EXOC4: variants seen among roughly 807,000 people sequenced by gnomAD.
The protein encoded by EXOC4 is exocyst complex component 4, also known as SEC8-like 1.
In EXOC4, 71 loss-of-function variants were observed where a neutral mutation model predicts 107.2. That is an observed-to-expected ratio of 0.66 (90% CI 0.55 to 0.81). The LOEUF is 0.81. Among genes scored for constraint, EXOC4 ranks in the 30% least tolerant of loss-of-function variants. The pLI, the probability that EXOC4 is intolerant of heterozygous loss-of-function variation, is 0.00. For synonymous variants in EXOC4, 456 were observed against 441.2 expected (o/e 1.03, Z -0.42); for missense variants, 1,108 against 1,189.6 (o/e 0.93, Z 1.01).
At chr7:133,311,367 G>A (rs761643740) in intron 4 of EXOC4, among the ~76,000 whole-genome samples, 5 of 152,078 alleles carry the variant, frequency 3.3e-5, no homozygotes, top group African/African-American at 4.8e-5. Context: ...AATCAGATGG[G>A]TGAGACAAAA....
chr7:133,930,988 T>C lies in EXOC4; in HGVS notation c.2028-6903T>C, dbSNP rs201295399. 5.3e-5 allele frequency among the ~76,000 whole-genome samples: 8 copies of C among 152,302 alleles called. No homozygotes were observed. The East Asian group carries it at 1.5e-3, about 29-fold the overall frequency. On this transcript the variant is annotated intron_variant, in intron 13 of 17. Coordinates refer to ENST00000253861, the MANE Select transcript of EXOC4 (RefSeq NM_021807.4). Reference sequence around the variant, plus strand: ...TCTAGTTTACATTTATGGCATTTTTTTTTTCAAGCATTCGTCATTTATTTG... The same window carrying C: ...TCTAGTTTACATTTATGGCATTTTTCTTTTCAAGCATTCGTCATTTATTTG...
intron 11 of EXOC4, among the ~76,000 whole-genome samples, chr7:133,866,182 A>G (rs1462632141): frequency 6.6e-6 from 1 of 152,194 alleles, no homozygotes; most frequent in East Asian, 1.9e-4. Flanking sequence ...CAACAATACT[A>G]TACTACAAAT....
chr7:133,553,621 C>T (rs1019075291), intron 9 of EXOC4, among the ~76,000 whole-genome samples: 5 of 152,156 alleles, frequency 3.3e-5, no homozygotes, highest in Non-Finnish European at 1.5e-5. Flanking sequence ...TCTCTCAAGA[C>T]TCATCTCAGA....
intron 7 of EXOC4, among the ~76,000 whole-genome samples, chr7:133,455,556 T>A (rs952087973): frequency 6.6e-6 from 1 of 152,232 alleles, no homozygotes; most frequent in African/African-American, 2.4e-5. Flanking sequence ...TTTCTAGATT[T>A]GTTACTTGTA....
chr7:133,660,122 C>A (rs1180970735), intron 10 of EXOC4, among the ~76,000 whole-genome samples: 1 of 152,088 alleles, frequency 6.6e-6, no homozygotes, highest in Non-Finnish European at 1.5e-5. Context: ...GAATTCACAA[C>A]CTGAATATTA....
intron 11 of EXOC4, among the ~76,000 whole-genome samples, chr7:133,860,486 G>A (rs547749427): frequency 6.6e-6 from 1 of 152,360 alleles, no homozygotes; most frequent in Non-Finnish European, 1.5e-5. Context: ...AGAGATGGCA[G>A]TGTGTGAAAG....
At chr7:133,319,112 TTATATTAA>T (rs1381334344) in intron 5 of EXOC4, among the ~76,000 whole-genome samples, 4 of 152,252 alleles carry the variant, frequency 2.6e-5, no homozygotes, top group Admixed American at 6.5e-5. Flanking sequence ...CTTAGCCTGG[TTATATTAA>T]TTTATGTAAA....
rs553368410 is a variant in EXOC4 at position 133,455,864 on chromosome 7, G to A, written c.1183-19464G>A. Among the ~76,000 whole-genome samples the A allele has an allele frequency of 2.6e-5, 4 of 152,324 alleles. No homozygotes were observed. In the South Asian group the frequency reaches 8.3e-4, roughly 32 times the overall value. On this transcript the variant is annotated intron_variant, in intron 7 of 17. Transcript: ENST00000253861. ...AACAGAACTTCTTGCAACATAAGCAGTGCAACTCTTGCCATGTCTATTGTA... is the reference window on the plus strand; with the variant it reads ...AACAGAACTTCTTGCAACATAAGCAATGCAACTCTTGCCATGTCTATTGTA...
chr7:133,278,218 A>G (rs1056213459), intron 2 of EXOC4, among the ~76,000 whole-genome samples: 10 of 152,254 alleles, frequency 6.6e-5, no homozygotes, highest in Non-Finnish European at 1.3e-4. Context: ...ACATTTATGT[A>G]GTCTCTATGT....
At chr7:134,094,061 ATAAC>A in the EXOC4 span, among the ~76,000 whole-genome samples, 14 of 152,328 alleles carry the variant, frequency 9.2e-5, 1 homozygote, top group African/African-American at 3.4e-4. Context: ...AAGAAAATAA[ATAAC>A]TAAAATCAGA....
intron 14 of EXOC4, among the ~76,000 whole-genome samples, chr7:133,990,277 C>T (rs548178007): frequency 2.1e-5 from 3 of 145,042 alleles, no homozygotes; most frequent in South Asian, 4.6e-4. Flanking sequence ...CTCCCCCCCC[C>T]ACCCCTTTTT....
intron 3 of EXOC4, 127 bp from the exon 4 acceptor site, chr7:133,305,750 T>TTTTATATGCTGATAAAGTTCTCGTA: frequency 1.4e-6 from 1 of 739,026 alleles, no homozygotes; most frequent in Non-Finnish European, 2.1e-6. Context: ...CTACGAAGTC[T>TTTTATATGCTGATAAAGTTCTCGTA]TTTATATGCT....
At chr7:133,261,914 T>C (rs1795161939) in intron 1 of EXOC4, among the ~76,000 whole-genome samples, 1 of 152,170 alleles carries the variant, frequency 6.6e-6, no homozygotes, top group Admixed American at 6.5e-5. Flanking sequence ...TAGTTACCTG[T>C]CACACGTGTG....
intron 10 of EXOC4, among the ~76,000 whole-genome samples, chr7:133,685,166 A>T (rs559545828): frequency 2.0e-5 from 3 of 152,152 alleles, no homozygotes; most frequent in Admixed American, 6.5e-5. Flanking sequence ...AGCAGTTGGT[A>T]TGGTCAGGCT....
intron 7 of EXOC4, among the ~76,000 whole-genome samples, chr7:133,382,030 A>G (rs1483773100): frequency 1.3e-5 from 2 of 152,168 alleles, no homozygotes; most frequent in Non-Finnish European, 2.9e-5. Context: ...GCTGTAGGTA[A>G]TATGGGAACT....
At chr7:133,702,104 G>A (rs1318543942) in intron 10 of EXOC4, among the ~76,000 whole-genome samples, 4 of 145,758 alleles carry the variant, frequency 2.7e-5, no homozygotes, top group East Asian at 2.1e-4. Context: ...ACACTCAAGT[G>A]ATCATCATTT....
chr7:133,301,774 T>C (rs1288770389), intron 3 of EXOC4, among the ~76,000 whole-genome samples: 2 of 152,158 alleles, frequency 1.3e-5, no homozygotes, highest in Admixed American at 6.6e-5. Context: ...TCACCTCAAC[T>C]AGAAAAATAA....
chr7:133,857,176 A>G (rs1380898759), intron 11 of EXOC4, among the ~76,000 whole-genome samples: 23 of 17,762 alleles, frequency 1.3e-3, no homozygotes, highest in African/African-American at 7.1e-3. Flanking sequence ...ATATATATAT[A>G]TATATATATA....
chr7:133,495,627 A>AAATGTCTG (rs1440899033), intron 9 of EXOC4, among the ~76,000 whole-genome samples: 1 of 152,210 alleles, frequency 6.6e-6, no homozygotes, highest in African/African-American at 2.4e-5. Flanking sequence ...TAACTCAACA[A>AAATGTCTG]AATGTCTGGC....
Sources: gnomAD v4.1 joint callset for allele counts (sites outside exome capture counted in the v4.1 genomes callset) on GRCh38, gnomAD v4.1.1 for gene constraint, MANE v1.5 for transcripts, NCBI Gene and HGNC (gene_info 2026-07-23, HGNC 2026-07-21) for gene names.